PXDNL: variants seen among roughly 807,000 people sequenced by gnomAD.
PXDNL encodes the protein probable oxidoreductase PXDNL.
Under a neutral mutation model 150.8 loss-of-function variants are expected in PXDNL, and 145 were observed. The observed-to-expected ratio is 0.96, with a 90% CI of 0.84 to 1.10. PXDNL has a LOEUF of 1.10. PXDNL is among the 50% of genes least tolerant of loss of function. PXDNL has a pLI of 0.00. For synonymous variants in PXDNL, 757 were observed against 725.7 expected, an observed-to-expected ratio of 1.04 and a Z score of -0.69; for missense variants, 2,087 against 1,873.9, an observed-to-expected ratio of 1.11 and a Z score of -2.10.
chr8:51,609,062 G>C (rs1046491476), intron 2 of PXDNL, among the ~76,000 whole-genome samples: 4 of 152,000 alleles, frequency 2.6e-5, no homozygotes, highest in African/African-American at 9.7e-5. Context: ...TCTCACAAAG[G>C]CATCTTTAAG....
intron 17 of PXDNL, among the ~76,000 whole-genome samples, chr8:51,378,756 G>A (rs376565036): frequency 1.3e-5 from 2 of 149,362 alleles, no homozygotes; most frequent in African/African-American, 2.6e-5. Context: ...CCACACGTGC[G>A]GCCTTAAGAG....
chr8:51,547,736 A>T (rs1233724992), intron 4 of PXDNL, among the ~76,000 whole-genome samples: 2 of 152,182 alleles, frequency 1.3e-5, no homozygotes, highest in Non-Finnish European at 2.9e-5. Flanking sequence ...AGTCTACCCA[A>T]ATGAGAAGGA....
intron 3 of PXDNL, among the ~76,000 whole-genome samples, chr8:51,570,445 A>G (rs1191581660): frequency 6.6e-6 from 1 of 151,904 alleles, no homozygotes; most frequent in African/African-American, 2.4e-5. Flanking sequence ...GTTTTGGTCT[A>G]TTGTCACCAA....
At chr8:51,498,439 TTAAA>T (rs34558249) in intron 5 of PXDNL, among the ~76,000 whole-genome samples, 48,286 of 151,272 alleles carry the variant, frequency 0.32, 8,543 homozygotes, top group African/African-American at 0.47. Context: ...AATAAAAAAA[TTAAA>T]TAAATAAATA....
chr8:51,694,444 T>A (rs16916724), intron 1 of PXDNL, among the ~76,000 whole-genome samples: 5,258 of 152,310 alleles, frequency 0.035, 291 homozygotes, highest in African/African-American at 0.11. Context: ...CTCGCAGATA[T>A]GTTAAATAGA....
In PXDNL at chr8:51,412,961, A is replaced by T. The variant is rs1486887384; in HGVS notation, c.1904+189T>A. Among the ~76,000 whole-genome samples, 2 of 152,184 alleles carry T rather than the reference A, an allele frequency of 1.3e-5. 1 individual carries two copies. The highest frequency in any genetic ancestry group is 4.1e-4 in the South Asian group (2 of 4,828). ...CATAAATTAATGCCATTTAGATTCT[A>T]TGGGGAAGAAGTTTCCCCTTTTTTA... On this transcript the variant is annotated intron_variant, in intron 15 of 22. Coordinates refer to ENST00000356297, the MANE Select transcript of PXDNL (RefSeq NM_144651.5).
intron 2 of PXDNL, among the ~76,000 whole-genome samples, chr8:51,609,947 C>T (rs1465436215): frequency 2.6e-5 from 4 of 152,158 alleles, no homozygotes; most frequent in East Asian, 1.9e-4. Flanking sequence ...TGCAAAGCCC[C>T]GTTTTTCACT....
intron 1 of PXDNL, among the ~76,000 whole-genome samples, chr8:51,670,312 T>TA (rs1815473423): frequency 6.6e-6 from 1 of 152,178 alleles, no homozygotes; most frequent in Admixed American, 6.5e-5. Context: ...ATGCCTGACT[T>TA]AATGATGGGG....
chr8:51,530,269 C>A (rs374693425), intron 4 of PXDNL, among the ~76,000 whole-genome samples: 3 of 152,080 alleles, frequency 2.0e-5, no homozygotes, highest in Non-Finnish European at 4.4e-5. Context: ...AGGGATCTAG[C>A]GAGTGATTTC....
intron 21 of PXDNL, among the ~76,000 whole-genome samples, chr8:51,338,043 G>A (rs1181691134): frequency 2.0e-5 from 3 of 151,872 alleles, no homozygotes; most frequent in Admixed American, 1.3e-4. Flanking sequence ...CTCAGGTGCA[G>A]TGGTGGACAC....
intron 4 of PXDNL, among the ~76,000 whole-genome samples, chr8:51,506,347 C>T (rs1000842675): frequency 6.6e-6 from 1 of 151,986 alleles, no homozygotes; most frequent in South Asian, 2.1e-4. Context: ...TTGAGACCAT[C>T]CTGGCCAACA....
intron 19 of PXDNL, among the ~76,000 whole-genome samples, chr8:51,363,593 T>C (rs929305206): frequency 7.2e-5 from 11 of 152,194 alleles, no homozygotes; most frequent in Non-Finnish European, 1.6e-4. Context: ...ACGATGTCTG[T>C]AATTTATAGA....
intron 1 of PXDNL, among the ~76,000 whole-genome samples, chr8:51,787,698 T>C (rs1487575434): frequency 6.6e-6 from 1 of 152,200 alleles, no homozygotes; most frequent in Non-Finnish European, 1.5e-5. Context: ...ACACTTAAAA[T>C]GACAACAAAG....
intron 1 of PXDNL, among the ~76,000 whole-genome samples, chr8:51,718,994 G>A (rs1409433108): frequency 2.0e-5 from 3 of 151,146 alleles, no homozygotes; most frequent in Admixed American, 6.6e-5. Flanking sequence ...GGGAGGCGGG[G>A]GGCAGCCCCC....
chr8:51,567,370 T>G (rs1318596671), intron 3 of PXDNL, among the ~76,000 whole-genome samples: 4 of 151,856 alleles, frequency 2.6e-5, no homozygotes, highest in African/African-American at 9.7e-5. Flanking sequence ...AGAGGCATGT[T>G]GAAGCCTTCA....
At chr8:51,429,682 CCTTT>C (rs1203080129) in intron 12 of PXDNL, among the ~76,000 whole-genome samples, 1 of 142,892 alleles carries the variant, frequency 7.0e-6, no homozygotes, top group Non-Finnish European at 1.5e-5. Flanking sequence ...TTCTTTTTTT[CCTTT>C]CTTTTTTTTT....
intron 1 of PXDNL, among the ~76,000 whole-genome samples, chr8:51,719,308 C>T (rs1166319201): frequency 6.6e-6 from 1 of 152,226 alleles, no homozygotes. Flanking sequence ...AAAAATTCTT[C>T]TGCCTTGGGA....
chr8:51,620,285 G>A (rs956531205), intron 2 of PXDNL, among the ~76,000 whole-genome samples: 2 of 151,992 alleles, frequency 1.3e-5, no homozygotes, highest in Admixed American at 6.6e-5. Flanking sequence ...ATATTTTGAA[G>A]GTTTCACGAA....
chr8:51,793,329 G>T (rs1209900510), intron 1 of PXDNL, among the ~76,000 whole-genome samples: 1 of 152,138 alleles, frequency 6.6e-6, no homozygotes, highest in Non-Finnish European at 1.5e-5. Context: ...ACTCCACAAA[G>T]GTCAGCAGCC....
Sources: allele counts gnomAD v4.1 joint callset (sites outside exome capture counted in the v4.1 genomes callset), GRCh38; gene constraint gnomAD v4.1.1; transcripts MANE v1.5; gene names NCBI Gene and HGNC (gene_info 2026-07-23, HGNC 2026-07-21).